Variants in ERC2 observed in about 807,000 individuals in gnomAD.
ERC2 encodes ELKS/RAB6-interacting/CAST family member 2, also known as ERC protein 2.
Under a neutral mutation model 114.8 loss-of-function variants are expected in ERC2, and 42 were observed. The ratio of observed to expected loss-of-function variants is 0.37; its 90% CI spans 0.29 to 0.47. The LOEUF (loss-of-function observed/expected upper bound fraction) is 0.47, where lower values mean the gene tolerates loss of function less well. Among genes scored for constraint, ERC2 ranks in the 20% least tolerant of loss-of-function variants. The pLI is 0.99. For synonymous variants in ERC2, 454 were observed against 425.5 expected (o/e 1.07, Z -0.82); for missense variants, 939 against 1,150.7 (o/e 0.82, Z 2.66).
intron 7 of ERC2, among the ~76,000 whole-genome samples, chr3:56,073,035 G>C (rs1440244722): frequency 6.6e-6 from 1 of 152,268 alleles, no homozygotes; most frequent in East Asian, 1.9e-4. Context: ...TAGACAGAAA[G>C]AGTAACAGTC....
intron 13 of ERC2, among the ~76,000 whole-genome samples, chr3:55,912,368 G>T (rs2064859974): frequency 6.6e-6 from 1 of 152,170 alleles, no homozygotes; most frequent in South Asian, 2.1e-4. Context: ...GAACATAGTA[G>T]CATTCATTTG....
intron 4 of ERC2, among the ~76,000 whole-genome samples, chr3:56,149,474 T>C (rs1318558675): frequency 4.6e-5 from 7 of 152,198 alleles, no homozygotes; most frequent in Non-Finnish European, 8.8e-5. Context: ...CAGATTTTAA[T>C]CTGGGATATA....
At chr3:55,806,661 T>C (rs1009213588) in intron 14 of ERC2, among the ~76,000 whole-genome samples, 1 of 152,114 alleles carries the variant, frequency 6.6e-6, no homozygotes, top group African/African-American at 2.4e-5. Context: ...CTACTAAGCA[T>C]CCTACAAGAC....
At chr3:55,567,650 G>A (rs535895938) in intron 17 of ERC2, among the ~76,000 whole-genome samples, 1 of 152,046 alleles carries the variant, frequency 6.6e-6, no homozygotes, top group African/African-American at 2.4e-5. Context: ...GAGAGAGGAG[G>A]GAGAGGTGAG....
chr3:55,661,615 T>C lies in ERC2; in HGVS notation c.*39+22179A>G, dbSNP rs138405489. Among the ~76,000 whole-genome samples, 478 of 152,336 alleles carry C rather than the reference T, an allele frequency of 3.1e-3. 2 individuals carry two copies. The highest frequency in any genetic ancestry group is 0.011 in the African/African-American group (444 of 41,578). On this transcript the variant is annotated intron_variant, in intron 17 of 17. Transcript: ENST00000288221. ...CCAGGATACTCTCTCTATTTTAAGA[T>C]AAGCTGCAAAGTCCCTTCGTCCAGT...
intron 17 of ERC2, among the ~76,000 whole-genome samples, chr3:55,582,332 A>G (rs920792214): frequency 2.6e-5 from 4 of 152,222 alleles, no homozygotes; most frequent in African/African-American, 9.6e-5. Flanking sequence ...ATAGGTATTT[A>G]TAGTTGGATA....
At chr3:55,547,707 G>A (rs2054857214) in intron 17 of ERC2, among the ~76,000 whole-genome samples, 2 of 152,312 alleles carry the variant, frequency 1.3e-5, no homozygotes, top group South Asian at 4.2e-4. Context: ...AGAGGTGGGG[G>A]CTTAGGAACC....
chr3:55,744,926 C>T (rs2066214921), intron 14 of ERC2, among the ~76,000 whole-genome samples: 1 of 152,182 alleles, frequency 6.6e-6, no homozygotes, highest in Admixed American at 6.5e-5. Context: ...GATGACCACA[C>T]AAGAAATGCT....
chr3:55,875,398 T>C (rs1457431678), intron 14 of ERC2, among the ~76,000 whole-genome samples: 5 of 152,198 alleles, frequency 3.3e-5, no homozygotes, highest in African/African-American at 7.2e-5. Context: ...GGTGAGGTAA[T>C]AGCAGACTCT....
chr3:55,999,339 T>G (rs1243649818), intron 10 of ERC2, among the ~76,000 whole-genome samples: 1 of 152,120 alleles, frequency 6.6e-6, no homozygotes, highest in Non-Finnish European at 1.5e-5. Context: ...GATATTACTT[T>G]GTGCAATAGA....
intron 7 of ERC2, among the ~76,000 whole-genome samples, chr3:56,032,403 G>A (rs553680547): frequency 8.5e-5 from 13 of 152,170 alleles, no homozygotes; most frequent in South Asian, 4.1e-4. Flanking sequence ...CTTATGGGCC[G>A]CCATTAAGCA....
chr3:56,444,159 G>A (rs550779631), intron 1 of ERC2, among the ~76,000 whole-genome samples: 2 of 148,876 alleles, frequency 1.3e-5, no homozygotes, highest in South Asian at 2.1e-4. Context: ...TTTTAGTAGA[G>A]ACGGGGTTTC....
At chr3:55,755,828 C>G (rs992887582) in intron 14 of ERC2, among the ~76,000 whole-genome samples, 1 of 152,136 alleles carries the variant, frequency 6.6e-6, no homozygotes, top group Non-Finnish European at 1.5e-5. Context: ...ATCGAACGTT[C>G]GCTTATATAC....
chr3:55,828,185 T>A (rs139965538), intron 14 of ERC2, among the ~76,000 whole-genome samples: 583 of 152,318 alleles, frequency 3.8e-3, no homozygotes, highest in African/African-American at 0.013. Flanking sequence ...CCCTGAGACT[T>A]CCATTGCTGG....
chr3:55,908,558 A>G (rs763475415), intron 13 of ERC2, among the ~76,000 whole-genome samples: 3 of 152,178 alleles, frequency 2.0e-5, no homozygotes, highest in Non-Finnish European at 4.4e-5. Flanking sequence ...CTGGGCTGGC[A>G]GGTGAGTCCG....
chr3:56,405,887 CTTTTTTT>C (rs72095902), intron 2 of ERC2, among the ~76,000 whole-genome samples: 6 of 85,206 alleles, frequency 7.0e-5, no homozygotes, highest in South Asian at 4.3e-4. Flanking sequence ...ACTTTTTTTT[CTTTTTTT>C]TTTTTTTTTT....
intron 3 of ERC2, among the ~76,000 whole-genome samples, chr3:56,289,824 C>T (rs1463865730): frequency 6.6e-6 from 1 of 152,216 alleles, no homozygotes; most frequent in African/African-American, 2.4e-5. Flanking sequence ...CAGTAGCATG[C>T]AATGGGGACA....
intron 2 of ERC2, among the ~76,000 whole-genome samples, chr3:56,418,038 G>C (rs2061236125): frequency 6.6e-6 from 1 of 152,116 alleles, no homozygotes; most frequent in Non-Finnish European, 1.5e-5. Context: ...TGTAATCCCA[G>C]TCCTTTGGAA....
chr3:55,859,269 C>T lies in ERC2; in HGVS notation c.2564+29120G>A, dbSNP rs546715096. Among the ~76,000 whole-genome samples the T allele has an allele frequency of 1.6e-3, 238 of 152,260 alleles. 3 individuals carry two copies. Among genetic ancestry groups the T allele is most frequent in the South Asian group, 0.011 (54 of 4,828 alleles). ...CATGGGGAAACTTTGCCCACAAAAT[C>T]GTTTCTTATTTTTTTCCCCTTTCTT... On this transcript the variant is annotated intron_variant, in intron 14 of 17. Coordinates refer to ENST00000288221, the MANE Select transcript of ERC2 (RefSeq NM_015576.3).
Sources: gnomAD v4.1 joint callset for allele counts (sites outside exome capture counted in the v4.1 genomes callset) on GRCh38, gnomAD v4.1.1 for gene constraint, MANE v1.5 for transcripts, NCBI Gene and HGNC (gene_info 2026-07-23, HGNC 2026-07-21) for gene names.